SVEP1: variants seen among roughly 807,000 people sequenced by gnomAD.
The protein encoded by SVEP1 is sushi, von Willebrand factor type A, EGF and pentraxin domain containing 1.
In SVEP1, 164 loss-of-function variants were observed where a neutral mutation model predicts 367.3. The observed-to-expected ratio is 0.45, with a 90% CI of 0.39 to 0.51. The LOEUF (loss-of-function observed/expected upper bound fraction) is 0.51, where lower values mean the gene tolerates loss of function less well. Ranked by LOEUF, SVEP1 falls within the 20% of genes least tolerant of loss-of-function variation. SVEP1 has a pLI of 0.00. For missense variants in SVEP1, 4,117 were observed against 4,425.3 expected, an observed-to-expected ratio of 0.93 and a Z score of 1.98; for synonymous variants, 1,666 against 1,611.6, an observed-to-expected ratio of 1.03 and a Z score of -0.81.
At chr9:110,476,541 C>T (rs1829098745) in intron 13 of SVEP1, among the ~76,000 whole-genome samples, 1 of 152,096 alleles carries the variant, frequency 6.6e-6, no homozygotes, top group African/African-American at 2.4e-5. Context: ...TTATGTCACT[C>T]ACCATGAGAA....
intron 1 of SVEP1, among the ~76,000 whole-genome samples, chr9:110,571,690 T>G (rs900745131): frequency 1.3e-5 from 2 of 152,234 alleles, no homozygotes; most frequent in African/African-American, 2.4e-5. Context: ...TCATTCATTC[T>G]AGTTTACATC....
chr9:110,521,506 G>T (rs1267391551), intron 3 of SVEP1, among the ~76,000 whole-genome samples: 1 of 152,164 alleles, frequency 6.6e-6, no homozygotes, highest in East Asian at 1.9e-4. Flanking sequence ...AACCTCAAAG[G>T]ACTGTGTACA....
At chr9:110,427,529 G>T (rs1409700911) in intron 36 of SVEP1, 62 bp downstream of exon 36, 54 of 1,545,768 alleles carry the variant, frequency 3.5e-5, no homozygotes, top group Non-Finnish European at 4.5e-5. Context: ...GCCCATCTCT[G>T]CAGTCAGGAG....
At chr9:110,574,926 T>C (rs560021531) in intron 1 of SVEP1, among the ~76,000 whole-genome samples, 1 of 151,982 alleles carries the variant, frequency 6.6e-6, no homozygotes, top group African/African-American at 2.4e-5. Context: ...TTTGTGTTTT[T>C]AGTAGAGACG....
chr9:110,509,863 C>T (rs888952945), intron 5 of SVEP1, among the ~76,000 whole-genome samples: 42 of 152,140 alleles, frequency 2.8e-4, no homozygotes, highest in African/African-American at 9.4e-4. Context: ...TTTGGTTTAG[C>T]AGAGGAGGTA....
intron 47 of SVEP1, among the ~76,000 whole-genome samples, chr9:110,367,153 G>A (rs981605587): frequency 5.3e-5 from 8 of 152,184 alleles, no homozygotes; most frequent in African/African-American, 1.9e-4. Flanking sequence ...GCCTGTACAA[G>A]GCACTAGGCA....
intron 7 of SVEP1, among the ~76,000 whole-genome samples, chr9:110,498,225 G>T (rs1029311840): frequency 6.6e-6 from 1 of 152,190 alleles, no homozygotes; most frequent in Non-Finnish European, 1.5e-5. Flanking sequence ...TTCACTAGGA[G>T]TAGTCAAAGT....
At chr9:110,572,333 A>C in intron 1 of SVEP1, among the ~76,000 whole-genome samples, 1 of 152,206 alleles carries the variant, frequency 6.6e-6, no homozygotes, top group East Asian at 1.9e-4. Flanking sequence ...CCATGTGTCT[A>C]AGCATTCACA....
intron 40 of SVEP1, among the ~76,000 whole-genome samples, chr9:110,396,708 T>C (rs1456081436): frequency 1.3e-5 from 2 of 151,018 alleles, no homozygotes; most frequent in African/African-American, 2.4e-5. Context: ...CAGAATACTA[T>C]AAACACCTCT....
At chr9:110,567,260 A>C (rs1459425959) in intron 1 of SVEP1, among the ~76,000 whole-genome samples, 1 of 152,226 alleles carries the variant, frequency 6.6e-6, no homozygotes, top group African/African-American at 2.4e-5. Context: ...AAACACCACA[A>C]GAGAGTTATA....
chr9:110,439,655 G>T (rs10980389), intron 27 of SVEP1, among the ~76,000 whole-genome samples: 76 of 151,676 alleles, frequency 5.0e-4, no homozygotes, highest in African/African-American at 1.8e-3. Flanking sequence ...TTGTCTCAGC[G>T]TCCCAAAGTG....
intron 9 of SVEP1, among the ~76,000 whole-genome samples, chr9:110,487,908 G>A (rs1829307821): frequency 1.3e-5 from 2 of 152,170 alleles, no homozygotes; most frequent in Admixed American, 1.3e-4. Context: ...TGGGTTCAGA[G>A]TCCATGCTCT....
intron 40 of SVEP1, among the ~76,000 whole-genome samples, chr9:110,392,475 C>T (rs999045910): frequency 4.6e-5 from 7 of 152,110 alleles, no homozygotes; most frequent in African/African-American, 1.4e-4. Context: ...GTTCACCCAT[C>T]CAGAGACACA....
At chr9:110,372,480 G>C (rs1827292884) in intron 46 of SVEP1, among the ~76,000 whole-genome samples, 1 of 152,156 alleles carries the variant, frequency 6.6e-6, no homozygotes, top group Non-Finnish European at 1.5e-5. Context: ...AGTGTCATTA[G>C]GAGCATATTC....
At chr9:110,526,244 C>A (rs1272741861) in intron 3 of SVEP1, among the ~76,000 whole-genome samples, 1 of 151,896 alleles carries the variant, frequency 6.6e-6, no homozygotes, top group Non-Finnish European at 1.5e-5. Context: ...AAAAAGTCAA[C>A]CCACAGAATG....
At chr9:110,415,506 G>C (rs1031338912) in intron 36 of SVEP1, among the ~76,000 whole-genome samples, 1 of 152,018 alleles carries the variant, frequency 6.6e-6, no homozygotes, top group East Asian at 1.9e-4. Flanking sequence ...GCAGCATCTT[G>C]AGAAGTGGAA....
intron 40 of SVEP1, 105 bp downstream of exon 40, chr9:110,400,749 C>A: frequency 2.4e-6 from 3 of 1,225,332 alleles, no homozygotes; most frequent in South Asian, 1.6e-5. Flanking sequence ...ATAATAGAAT[C>A]TTTTGAGACC....
chr9:110,472,624 A>C (rs1241461625), intron 14 of SVEP1, among the ~76,000 whole-genome samples: 1 of 152,162 alleles, frequency 6.6e-6, no homozygotes, highest in Non-Finnish European at 1.5e-5. Flanking sequence ...TTTAGAGGTA[A>C]ATTTTAGAGG....
intron 14 of SVEP1, among the ~76,000 whole-genome samples, chr9:110,472,801 G>A (rs1366756746): frequency 3.3e-5 from 5 of 152,074 alleles, no homozygotes. Flanking sequence ...TTAAAGGTAA[G>A]GGTAGTTTTC....
Sources: allele counts gnomAD v4.1 joint callset (sites outside exome capture counted in the v4.1 genomes callset), GRCh38; gene constraint gnomAD v4.1.1; transcripts MANE v1.5; gene names NCBI Gene and HGNC (gene_info 2026-07-23, HGNC 2026-07-21).